The following KAT5 variants were observed in gnomAD, a reference collection of about 807,000 sequenced individuals.
The protein encoded by KAT5 is histone acetyltransferase KAT5.
A neutral mutation model predicts 68.1 loss-of-function variants in KAT5; 31 were observed. The ratio of observed to expected loss-of-function variants is 0.46; its 90% CI spans 0.34 to 0.61. The LOEUF is 0.61. KAT5 is among the 20% of genes least tolerant of loss of function. The probability of loss-of-function intolerance (pLI) is 0.01; values close to 1 mark genes in which losing one functional copy is unlikely to be tolerated. For synonymous variants in KAT5, 365 were observed against 292.6 expected (o/e 1.25, Z -2.52); for missense variants, 451 against 725.5 (o/e 0.62, Z 4.35).
In KAT5 at chr11:65,716,689, T is replaced by G. The variant is rs1447229273; in HGVS notation, c.1052T>G (p.Leu351Arg). Reference protein sequence around the residue: ...KNKSYSQNLCLLAKCFLDHKT... With the variant: ...KNKSYSQNLCRLAKCFLDHKT... ...CAGAGTTATTCCCAGAACCTGTGTC[T>G]TTTGGCCAAGTGTTTCCTTGACCAT... Residue 351 changes from leucine (L) to arginine (R), a missense_variant, in exon 9 of 13, where the codon CTT becomes CGT. Coordinates refer to ENST00000341318, the MANE Select transcript of KAT5 (RefSeq NM_182710.3). 2 of 1,614,130 alleles carry G rather than the reference T, an allele frequency of 1.2e-6. No homozygotes were observed.
intron 6 of KAT5, 102 bp from the exon 7 acceptor site, chr11:65,714,393 G>A: frequency 3.0e-6 from 4 of 1,344,338 alleles, no homozygotes; most frequent in Middle Eastern, 2.6e-4. Context: ...TCCCCCTTAG[G>A]GTTGCTGTTA....
At chr11:65,718,344 C>T (rs1857275321) in intron 10 of KAT5, 3 of 472,592 alleles carry the variant, frequency 6.3e-6, no homozygotes, top group Non-Finnish European at 7.6e-6. Flanking sequence ...TCTGATCACC[C>T]TCATGGTTGA....
Position 65,712,698 on chromosome 11 carries a change from C to T in KAT5, c.179-68C>T, listed in dbSNP as rs183474864. ...AGGGATCCGGCCTGGGGGTGGAGTTCAGGTCGTGGAAGGGTGGAGTCTCAT... is the reference window on the plus strand; with the variant it reads ...AGGGATCCGGCCTGGGGGTGGAGTTTAGGTCGTGGAAGGGTGGAGTCTCAT... On this transcript the variant is annotated intron_variant, in intron 1 of 12. Transcript: ENST00000341318. 3.2e-6 allele frequency: 5 copies of T among 1,560,644 alleles called. No homozygotes were observed. In the South Asian group the frequency reaches 5.6e-5, roughly 17 times the overall value.
Position 65,719,580 on chromosome 11 carries a change from G to C in KAT5, c.*399G>C, listed in dbSNP as rs533513209. 3.0e-6 allele frequency: 2 copies of C among 660,444 alleles called. No homozygotes were observed. The highest frequency in any genetic ancestry group is 5.4e-6 in the Non-Finnish European group (2 of 373,090). The allele number at this position is 660,444 out of a possible 1,614,324, so 40.9% of individuals were successfully genotyped here. A position where few individuals can be genotyped will look rare whatever the true frequency, so the allele number is the denominator to read the frequency against. On this transcript the variant is annotated 3_prime_UTR_variant, in exon 13 of 13. Coordinates refer to ENST00000341318, the MANE Select transcript of KAT5 (RefSeq NM_182710.3). The stretch of plus-strand genomic sequence containing the variant: ...GGCTTCTCTTACCCCTATTGCCCCC[G>C]GCAATAAATTGTTTCTATATGCCAG...
Position 65,714,585 on chromosome 11 carries a change from C to A in KAT5, c.781C>A (p.Arg261=), listed in dbSNP as rs868643963. 16 of 1,614,168 alleles carry A rather than the reference C, an allele frequency of 9.9e-6. No homozygotes were observed. The Middle Eastern group carries it at 2.3e-3, about 233-fold the overall frequency. Reference sequence around the variant, plus strand: ...TCGAAGCCACGACGACATCGTCACCCGGATGAAGAACATTGAGTGCATTGA... The same window carrying A: ...TCGAAGCCACGACGACATCGTCACCAGGATGAAGAACATTGAGTGCATTGA... ...SDRSHDDIVT[R]MKNIECIELG... Residue 261 remains arginine, a synonymous_variant, in exon 7 of 13, where the codon CGG becomes AGG. Transcript: ENST00000341318.
chr11:65,717,403 C>A (rs1040181319), intron 10 of KAT5: 3 of 269,638 alleles, frequency 1.1e-5, no homozygotes. Context: ...ATGCTGTCAG[C>A]AGATAGACAT....
chr11:65,716,543 A>G (rs868483867), intron 8 of KAT5, 124 bp from the exon 9 acceptor site: 2 of 913,150 alleles, frequency 2.2e-6, no homozygotes, highest in South Asian at 3.0e-5. Flanking sequence ...CCAGCCAGGG[A>G]AGAACACTCA....
chr11:65,719,193 C>A lies in KAT5; in HGVS notation c.*12C>A. On this transcript the variant is annotated 3_prime_UTR_variant, in exon 13 of 13. Coordinates refer to ENST00000341318, the MANE Select transcript of KAT5 (RefSeq NM_182710.3). ...GGGGGAAGTGGTGACCAGACACTGC[C>A]CACTGCAGTGCCAAGACGGCAGCAG... The A allele has an allele frequency of 6.2e-7, 1 of 1,612,744 alleles. No individual in the cohort carries two copies. Among genetic ancestry groups the A allele is most frequent in the Non-Finnish European group, 8.5e-7 (1 of 1,179,564 alleles).
At chr11:65,718,422 C>G (rs1857280203) in intron 10 of KAT5, 168 bp from the exon 11 acceptor site, 1 of 694,202 alleles carries the variant, frequency 1.4e-6, no homozygotes, top group Admixed American at 2.4e-5. Flanking sequence ...AGTGAATACT[C>G]AGTTCTTCCT....
chr11:65,714,315 A>AT, intron 6 of KAT5, 180 bp from the exon 7 acceptor site: 1 of 698,976 alleles, frequency 1.4e-6, no homozygotes, highest in East Asian at 2.7e-5. Context: ...TCATTGGGTG[A>AT]TCTTTTCCAC....
Position 65,719,259 on chromosome 11 carries a change from C to A in KAT5, c.*78C>A. Reference sequence around the variant, plus strand: ...CCCACCCCGCCCCCACTGCAGCTCCCACAAAGCACTCTAAGGGAGATGGGG... The same window carrying A: ...CCCACCCCGCCCCCACTGCAGCTCCAACAAAGCACTCTAAGGGAGATGGGG... On this transcript the variant is annotated 3_prime_UTR_variant, in exon 13 of 13. Coordinates refer to ENST00000341318, the MANE Select transcript of KAT5 (RefSeq NM_182710.3). The A allele has an allele frequency of 6.6e-7, 1 of 1,526,276 alleles. No homozygotes were observed. The highest frequency in any genetic ancestry group is 1.2e-5 in the South Asian group (1 of 84,276). The allele number at this position is 1,526,276 out of a possible 1,614,324, so 94.5% of individuals were successfully genotyped here. A position where few individuals can be genotyped will look rare whatever the true frequency, so the allele number is the denominator to read the frequency against.
chr11:65,715,702 A>G (rs1590964556), intron 8 of KAT5, among the ~76,000 whole-genome samples: 1 of 152,024 alleles, frequency 6.6e-6, no homozygotes, highest in African/African-American at 2.4e-5. Flanking sequence ...CAGAGTTTGC[A>G]GTGAGCCGAG....
In KAT5 at chr11:65,712,341, C is replaced by G. The variant is rs1329831332; in HGVS notation, c.74C>G (p.Pro25Arg). The change falls in exon 1 of 13, where the codon CCC (proline) becomes CGC (arginine). Residue 25 changes from proline to arginine, a missense_variant. By Grantham distance (103) the Pro-to-Arg change is moderately radical. Transcript: ENST00000341318. ...GGGGAGGTGGGTAGAGCCCGAGGCCCCCCAGTAGCCGACCCTGGCGTCGCG... is the reference window on the plus strand; with the variant it reads ...GGGGAGGTGGGTAGAGCCCGAGGCCGCCCAGTAGCCGACCCTGGCGTCGCG... Reference protein sequence around the residue: ...EPGEVGRARGPPVADPGVALS... With the variant: ...EPGEVGRARGRPVADPGVALS... 3 of 1,523,922 alleles carry G rather than the reference C, an allele frequency of 2.0e-6. No individual in the cohort carries two copies. The highest frequency in any genetic ancestry group is 2.6e-6 in the Non-Finnish European group (3 of 1,146,154). The allele number at this position is 1,523,922 out of a possible 1,614,324, so 94.4% of individuals were successfully genotyped here.
rs956322723 is a variant in KAT5, at chr11:65,713,415, T to G, written c.452T>G (p.Leu151Arg). The G allele has an allele frequency of 6.2e-7, 1 of 1,613,890 alleles. No homozygotes were observed. Among genetic ancestry groups the G allele is most frequent in the Non-Finnish European group, 8.5e-7 (1 of 1,179,992 alleles). ...GTCCAGATCACACTCCGCTTCAACC[T>G]GCCCAAGGAGCGGGAGGCCATTCCC... Reference protein sequence around the residue: ...IPVQITLRFNLPKEREAIPGG... With the variant: ...IPVQITLRFNRPKEREAIPGG... The change falls in exon 4 of 13, where the codon CTG (leucine) becomes CGG (arginine). Residue 151 changes from leucine to arginine, a missense_variant. Leu to Arg is a moderately radical substitution (Grantham distance 102). Around this residue, in one of 4 missense-constraint regions of KAT5, gnomAD observed 135 missense variants for 173.4 expected, o/e 0.78. Transcript: ENST00000341318.
At chr11:65,716,366 A>C in intron 8 of KAT5, 1 of 367,068 alleles carries the variant, frequency 2.7e-6, no homozygotes, top group East Asian at 4.8e-5. Context: ...ATTAAAAGGC[A>C]GTGGTCTCTC....
upstream of KAT5, chr11:65,712,210 T>C: frequency 7.3e-7 from 1 of 1,374,538 alleles, no homozygotes; most frequent in Non-Finnish European, 9.4e-7. Flanking sequence ...CACAGGGCGC[T>C]CGGTCCCGGA....
chr11:65,719,452 G>A lies in KAT5; in HGVS notation c.*271G>A, dbSNP rs1857323262. The A allele has an allele frequency of 1.7e-6, 1 of 603,810 alleles. No individual in the cohort carries two copies. The highest frequency in any genetic ancestry group is 2.9e-6 in the Non-Finnish European group (1 of 341,418). 37.4% of individuals were successfully genotyped at this position (603,810 alleles called of 1,614,324 possible). On this transcript the variant is annotated 3_prime_UTR_variant, in exon 13 of 13. Coordinates refer to ENST00000341318, the MANE Select transcript of KAT5 (RefSeq NM_182710.3). Reference sequence around the variant, plus strand: ...CCAGGCAGCTGTGTACAGTGAGAAGGGATCCGGATGGGGGAGCTCTGTACA... The same window carrying A: ...CCAGGCAGCTGTGTACAGTGAGAAGAGATCCGGATGGGGGAGCTCTGTACA...
In KAT5 at chr11:65,719,375, A is replaced by G. The variant is rs564528337; in HGVS notation, c.*194A>G. The G allele has an allele frequency of 2.2e-5, 15 of 684,138 alleles. No homozygotes were observed. The highest frequency in any genetic ancestry group is 1.8e-4 in the African/African-American group (10 of 55,400). 42.4% of individuals were successfully genotyped at this position (684,138 alleles called of 1,614,324 possible). On this transcript the variant is annotated 3_prime_UTR_variant, in exon 13 of 13. Transcript: ENST00000341318. ...GAGCTCCGGGCTCAGACCAACTCCA[A>G]GGTCAGCTGGCCACAGGCCCAGGCC...
rs1164724817 is a variant in KAT5 at position 65,716,909 on chromosome 11, C to G, written c.1191C>G (p.Asp397Glu). ...YFSKEKESTE[D>E]YNVACILTLP... ...TCCAGGAGAAAGAATCAACGGAAGA[C>G]TACAATGTGGCCTGCATCCTAACCC... The change falls in exon 10 of 13, where the codon GAC (aspartate) becomes GAG (glutamate). Residue 397 changes from aspartate (D) to glutamate (E), a missense_variant. Transcript: ENST00000341318. 6.2e-7 allele frequency: 1 copy of G among 1,614,034 alleles called. No homozygotes were observed. The highest frequency in any genetic ancestry group is 8.5e-7 in the Non-Finnish European group (1 of 1,179,984).
Sources: gnomAD v4.1 joint callset for allele counts (sites outside exome capture counted in the v4.1 genomes callset) on GRCh38, gnomAD v4.1.1 for gene constraint, gnomAD v4.1.1 regional missense constraint, MANE v1.5 for transcripts, NCBI Gene and HGNC (gene_info 2026-07-23, HGNC 2026-07-21) for gene names.